Variants in ZHX2 observed in about 807,000 individuals in gnomAD.
ZHX2 encodes zinc fingers and homeoboxes 2, also known as zinc fingers and homeoboxes protein 2.
In ZHX2, 6 loss-of-function variants were observed where a neutral mutation model predicts 21.9. The observed-to-expected ratio is 0.27, with a 90% confidence interval of 0.15 to 0.54. The LOEUF (loss-of-function observed/expected upper bound fraction) is 0.54, where lower values mean the gene tolerates loss of function less well. Ranked by LOEUF, ZHX2 falls within the 20% of genes least tolerant of loss-of-function variation. The pLI, the probability that ZHX2 is intolerant of heterozygous loss-of-function variation, is 0.95. For synonymous variants in ZHX2, 434 were observed against 437.1 expected, an observed-to-expected ratio of 0.99 and a Z score of 0.09; for missense variants, 908 against 1,090.7, an observed-to-expected ratio of 0.83 and a Z score of 2.36.
chr8:122,815,421 CAGAT>C (rs1818010863), intron 1 of ZHX2: 1 of 152,334 alleles, frequency 6.6e-6, no homozygotes, highest in Non-Finnish European at 1.5e-5. Flanking sequence ...TCACGCTTCA[CAGAT>C]AACTGTGTTT....
chr8:122,808,950 A>G (rs1817874841), intron 1 of ZHX2: 1 of 152,246 alleles, frequency 6.6e-6, no homozygotes, highest in Admixed American at 6.5e-5. Flanking sequence ...GTCACAAAAC[A>G]AAGGGAGACT....
At chr8:122,863,094 T>G (rs552699714) in intron 1 of ZHX2, among the ~76,000 whole-genome samples, 74 of 152,096 alleles carry the variant, frequency 4.9e-4, no homozygotes, top group African/African-American at 1.7e-3. Context: ...CCCTTCGCCC[T>G]CACCAAAATG....
At chr8:122,934,365 C>G (rs1256519449) in intron 2 of ZHX2, among the ~76,000 whole-genome samples, 1 of 152,284 alleles carries the variant, frequency 6.6e-6, no homozygotes, top group Admixed American at 6.5e-5. Context: ...AGACAGCCAC[C>G]ACCTCTGGAA....
intron 2 of ZHX2, among the ~76,000 whole-genome samples, chr8:122,949,810 T>G (rs1395635371): frequency 2.0e-5 from 3 of 152,184 alleles, no homozygotes. Context: ...GATGGAGGAT[T>G]GCTTAAGCCC....
intron 1 of ZHX2, among the ~76,000 whole-genome samples, chr8:122,814,570 G>A (rs1817992719): frequency 1.3e-5 from 2 of 152,198 alleles, no homozygotes; most frequent in African/African-American, 4.8e-5. Context: ...GAAAATAGAA[G>A]TCACTATAAT....
intron 2 of ZHX2, among the ~76,000 whole-genome samples, chr8:122,888,250 TTTTG>T (rs1819889944): frequency 6.6e-6 from 1 of 152,054 alleles, no homozygotes; most frequent in South Asian, 2.1e-4. Context: ...TGATTTTTTT[TTTTG>T]TTTTTCTTTT....
intron 1 of ZHX2, among the ~76,000 whole-genome samples, chr8:122,803,204 A>G (rs112773588): frequency 2.0e-5 from 3 of 152,186 alleles, no homozygotes; most frequent in African/African-American, 7.2e-5. Flanking sequence ...CTCTACCCCT[A>G]AAAAACAGCC....
In ZHX2 at chr8:122,868,107, A is replaced by C. The variant is rs1192088534; in HGVS notation, c.-220+4568A>C. Among the ~76,000 whole-genome samples, 4 of 152,324 alleles carry C rather than the reference A, an allele frequency of 2.6e-5. No homozygotes were observed. In the East Asian group the frequency reaches 7.7e-4, roughly 29 times the overall value. ...GCCTTTTAGCGGGTTTCTCTAGTACAGACTGAGTCATACGGTGATTCGGCT... is the reference window on the plus strand; with the variant it reads ...GCCTTTTAGCGGGTTTCTCTAGTACCGACTGAGTCATACGGTGATTCGGCT... On this transcript the variant is annotated intron_variant, in intron 2 of 3. Coordinates refer to ENST00000314393, the MANE Select transcript of ZHX2 (RefSeq NM_014943.5).
intron 1 of ZHX2, among the ~76,000 whole-genome samples, chr8:122,862,592 G>A (rs987296067): frequency 1.3e-5 from 2 of 152,180 alleles, no homozygotes; most frequent in African/African-American, 4.8e-5. Flanking sequence ...AGGTGTGCGA[G>A]GGGCCTGGCG....
intron 2 of ZHX2, among the ~76,000 whole-genome samples, chr8:122,893,621 T>C (rs1307412286): frequency 1.3e-5 from 2 of 152,180 alleles, no homozygotes; most frequent in African/African-American, 2.4e-5. Context: ...AGGCTTTCAA[T>C]TGTAATTTTT....
intron 2 of ZHX2, among the ~76,000 whole-genome samples, chr8:122,938,024 C>T (rs972706001): frequency 2.8e-5 from 4 of 142,448 alleles, no homozygotes; most frequent in Admixed American, 1.5e-4. Context: ...CAACCTCCGC[C>T]TCCCGGGTTC....
At chr8:122,806,292 C>T (rs1817822172) in intron 1 of ZHX2, among the ~76,000 whole-genome samples, 1 of 152,048 alleles carries the variant, frequency 6.6e-6, no homozygotes, top group South Asian at 2.1e-4. Flanking sequence ...AGAAATGGAC[C>T]CAATAAGACT....
intron 1 of ZHX2, among the ~76,000 whole-genome samples, chr8:122,830,244 T>G (rs1028515736): frequency 6.6e-6 from 1 of 152,218 alleles, no homozygotes; most frequent in African/African-American, 2.4e-5. Context: ...TAGTCTGATG[T>G]AACTGCTACG....
intron 2 of ZHX2, among the ~76,000 whole-genome samples, chr8:122,870,750 G>A (rs1389684413): frequency 6.6e-6 from 1 of 151,866 alleles, no homozygotes; most frequent in Non-Finnish European, 1.5e-5. Context: ...AGGAGATGGT[G>A]GCTGTTCCGA....
chr8:122,902,021 G>GAAAA (rs5894647), intron 2 of ZHX2, among the ~76,000 whole-genome samples: 1 of 144,278 alleles, frequency 6.9e-6, no homozygotes, highest in Non-Finnish European at 1.5e-5. Context: ...TATGCTACGT[G>GAAAA]AAAAAAAAAA....
intron 1 of ZHX2, among the ~76,000 whole-genome samples, chr8:122,812,337 C>T (rs1442424042): frequency 1.3e-5 from 2 of 152,194 alleles, no homozygotes; most frequent in African/African-American, 2.4e-5. Context: ...GTTCACACCC[C>T]GTAGCAACTC....
At position 122,951,897 on chromosome 8, in the gene ZHX2, C is replaced by T. The variant is rs1239169606; in HGVS notation, c.387C>T (p.Asn129=). The T allele has an allele frequency of 6.2e-7, 1 of 1,614,046 alleles. No homozygotes were observed. Among genetic ancestry groups the T allele is most frequent in the African/African-American group, 1.3e-5 (1 of 74,932 alleles). Reference sequence around the variant, plus strand: ...AGTACGACTCCCTATCCGACCACAACTCCAAGTTCCATCCCGGGGAGGCCA... The same window carrying T: ...AGTACGACTCCCTATCCGACCACAATTCCAAGTTCCATCCCGGGGAGGCCA... The part of the protein sequence containing the change: ...TKKYDSLSDH[N]SKFHPGEANF... Residue 129 remains asparagine (N), a synonymous_variant, in exon 3 of 4, where the codon AAC becomes AAT. Coordinates refer to ENST00000314393, the MANE Select transcript of ZHX2 (RefSeq NM_014943.5).
chr8:122,911,839 G>C (rs1471374032), intron 2 of ZHX2, among the ~76,000 whole-genome samples: 1 of 152,166 alleles, frequency 6.6e-6, no homozygotes, highest in South Asian at 2.1e-4. Flanking sequence ...GTACATTTCA[G>C]CTGACTCCTG....
intron 2 of ZHX2, among the ~76,000 whole-genome samples, chr8:122,948,945 G>C (rs1438759878): frequency 6.6e-6 from 1 of 152,120 alleles, no homozygotes; most frequent in Admixed American, 6.5e-5. Context: ...GAGGCTACAA[G>C]AGAAAAAAAT....
Sources: allele counts gnomAD v4.1 joint callset (sites outside exome capture counted in the v4.1 genomes callset), GRCh38; gene constraint gnomAD v4.1.1; transcripts MANE v1.5; gene names NCBI Gene and HGNC (gene_info 2026-07-23, HGNC 2026-07-21).